Variants in TSNARE1 observed in about 807,000 individuals in gnomAD.
TSNARE1 encodes the protein t-SNARE domain containing 1.
In TSNARE1, 49 loss-of-function variants were observed where a neutral mutation model predicts 62.0. That is an observed-to-expected ratio of 0.79 (90% CI 0.63 to 1.00). The LOEUF is 1.00. TSNARE1 is among the 50% of genes least tolerant of loss of function. The pLI is 0.00. For missense variants in TSNARE1, 755 were observed against 700.1 expected, an observed-to-expected ratio of 1.08 and a Z score of -0.88; for synonymous variants, 328 against 294.4, an observed-to-expected ratio of 1.11 and a Z score of -1.17.
chr8:142,299,444 C>T (rs946012304), intron 10 of TSNARE1, among the ~76,000 whole-genome samples: 2 of 152,220 alleles, frequency 1.3e-5, no homozygotes, highest in African/African-American at 2.4e-5. Context: ...CAGGCCCTAG[C>T]GCCTTCTGCA....
intron 1 of TSNARE1, among the ~76,000 whole-genome samples, chr8:142,378,503 G>C (rs551435594): frequency 6.6e-6 from 1 of 152,154 alleles, no homozygotes; most frequent in African/African-American, 2.4e-5. Flanking sequence ...TGAAGTTTGC[G>C]CACTTGCACA....
At chr8:142,234,286 T>A (rs1224775548) in intron 12 of TSNARE1, among the ~76,000 whole-genome samples, 1 of 150,392 alleles carries the variant, frequency 6.6e-6, no homozygotes, top group Non-Finnish European at 1.5e-5. Flanking sequence ...GATGGCTCCA[T>A]GACCCCAACC....
At chr8:142,300,917 T>C (rs1396884970) in intron 9 of TSNARE1, among the ~76,000 whole-genome samples, 3 of 151,946 alleles carry the variant, frequency 2.0e-5, no homozygotes, top group Non-Finnish European at 4.4e-5. Flanking sequence ...AGTGGGGGTG[T>C]AGGGGCCCGG....
chr8:142,350,064 T>A (rs1433047143), intron 2 of TSNARE1, among the ~76,000 whole-genome samples: 1 of 91,742 alleles, frequency 1.1e-5, no homozygotes, highest in African/African-American at 4.9e-5. Context: ...CAGGCAGGGC[T>A]GGGACCAGGG....
In TSNARE1 at chr8:142,399,095, G is replaced by T. The variant is rs117257312; in HGVS notation, c.-40+4009C>A. 1.1e-4 allele frequency among the ~76,000 whole-genome samples: 16 copies of T among 152,326 alleles called. 1 individual carries two copies. In the East Asian group the frequency reaches 3.1e-3, roughly 29 times the overall value. ...CACCGCCCAACTGGGCTCCGTAGGT[G>T]AGGACACCCCGCCCATAAGGCATCT... On this transcript the variant is annotated intron_variant, in intron 1 of 13. Transcript: ENST00000524325.
At chr8:142,277,952 C>G (rs1820773389) in intron 11 of TSNARE1, 2 of 985,426 alleles carry the variant, frequency 2.0e-6, no homozygotes, top group African/African-American at 3.5e-5. Flanking sequence ...ATGAAGCACC[C>G]CCAAACCAGG....
chr8:142,388,588 C>T lies in TSNARE1; in HGVS notation c.-40+14516G>A, dbSNP rs1274046645. Among the ~76,000 whole-genome samples the T allele has an allele frequency of 1.1e-4, 13 of 122,480 alleles. No homozygotes were observed. The East Asian group carries it at 1.1e-3, about 10-fold the overall frequency. 80.4% of individuals were successfully genotyped at this position (122,480 alleles called of 152,430 possible). On this transcript the variant is annotated intron_variant, in intron 1 of 13. Transcript: ENST00000524325. ...TTTTTTTTTTTTTGAGACAGAGTCTCGCTCTGTCACCCAAGCTGGAATGCA... is the reference window on the plus strand; with the variant it reads ...TTTTTTTTTTTTTGAGACAGAGTCTTGCTCTGTCACCCAAGCTGGAATGCA...
At position 142,291,554 on chromosome 8, in the gene TSNARE1, C is replaced by T. The variant is rs543585669; in HGVS notation, c.1291-7069G>A. ...CACCCACCCCACCCAGCACTGCCAC[C>T]CACCCATTTGTTCATTCAGCAGCCA... On this transcript the variant is annotated intron_variant, in intron 10 of 13. Coordinates refer to ENST00000524325, the MANE Select transcript of TSNARE1 (RefSeq NM_145003.5). The surrounding 1 kb of genome is among the most constrained non-coding windows in gnomAD (Gnocchi z 4.8). Among the ~76,000 whole-genome samples, 3 of 152,102 alleles carry T rather than the reference C, an allele frequency of 2.0e-5. No homozygotes were observed. The highest frequency in any genetic ancestry group is 1.3e-4 in the Admixed American group (2 of 15,286).
At chr8:142,316,706 A>G (rs1828574113) in intron 7 of TSNARE1, among the ~76,000 whole-genome samples, 1 of 151,708 alleles carries the variant, frequency 6.6e-6, no homozygotes, top group East Asian at 2.0e-4. Context: ...TCTGGTCTCC[A>G]CAGATTGCAT....
intron 12 of TSNARE1, chr8:142,269,423 CTG>C (rs1179673618): frequency 3.0e-6 from 3 of 985,276 alleles, no homozygotes. Context: ...CAGGTTAAGA[CTG>C]TAACGCAAGA....
intron 1 of TSNARE1, among the ~76,000 whole-genome samples, chr8:142,361,107 G>A (rs542026545): frequency 1.8e-3 from 270 of 152,338 alleles, no homozygotes; most frequent in Non-Finnish European, 3.0e-3. Context: ...CAGCTCTCCC[G>A]CCCCTGGTTT....
In TSNARE1 at chr8:142,291,928, C is replaced by T. The variant is rs1271962232; in HGVS notation, c.1291-7443G>A. Among the ~76,000 whole-genome samples the T allele has an allele frequency of 6.6e-6, 1 of 152,120 alleles. No homozygotes were observed. The highest frequency in any genetic ancestry group is 2.4e-5 in the African/African-American group (1 of 41,498). On this transcript the variant is annotated intron_variant, in intron 10 of 13. Transcript: ENST00000524325. This position sits in a 1 kb window ranked among gnomAD's most constrained non-coding sequence, Gnocchi z 4.8. Reference sequence around the variant, plus strand: ...CAGTCCATTGGGAGTACGGGGTCAGCTGCCTCTCCCGTGGACGGTCACAGC... The same window carrying T: ...CAGTCCATTGGGAGTACGGGGTCAGTTGCCTCTCCCGTGGACGGTCACAGC...
chr8:142,297,954 G>A (rs556934511), intron 10 of TSNARE1, among the ~76,000 whole-genome samples: 9 of 152,252 alleles, frequency 5.9e-5, no homozygotes, highest in Admixed American at 3.9e-4. Context: ...CATCCTCTGC[G>A]TCACCCCCAT....
intron 12 of TSNARE1, among the ~76,000 whole-genome samples, chr8:142,237,056 G>A (rs7846298): frequency 0.54 from 81,394 of 151,990 alleles, 22,898 homozygotes; most frequent in African/African-American, 0.7. Context: ...GGAGCCAGGG[G>A]CCTGAGGTTC....
In TSNARE1 at chr8:142,264,064, GCTA is replaced by G. The variant is rs1413431639; in HGVS notation, c.1446+10714_1446+10716del. ...TTCTTTGGTAGTATAAGCATTGAAG[GCTA>G]CTAAGTTTCATTGAAGTCTCCCACA... is the stretch of plus-strand genomic sequence containing the variant. On this transcript the variant is annotated intron_variant, in intron 12 of 13. Coordinates refer to ENST00000524325, the MANE Select transcript of TSNARE1 (RefSeq NM_145003.5). Among the ~76,000 whole-genome samples the G allele has an allele frequency of 2.0e-5, 3 of 152,174 alleles. No homozygotes were observed. In the East Asian group the frequency reaches 5.8e-4, roughly 29 times the overall value.
chr8:142,402,212 G>C (rs1450763367), intron 1 of TSNARE1, among the ~76,000 whole-genome samples: 2 of 152,148 alleles, frequency 1.3e-5, no homozygotes, highest in Non-Finnish European at 2.9e-5. Flanking sequence ...GGGCGGAGAA[G>C]CACCGGCGGA....
At chr8:142,217,939 AGTATGAGCAGGATCAGGGCTCAGT>A (rs1815983663) in intron 13 of TSNARE1, among the ~76,000 whole-genome samples, 25 of 34,830 alleles carry the variant, frequency 7.2e-4, no homozygotes, top group Middle Eastern at 0.02. Context: ...CAGGGCTCAG[AGTATGAGCAGGATCAGGGCTCAGT>A]GTGTGACCAG....
chr8:142,269,458 G>C, intron 12 of TSNARE1: 2 of 985,456 alleles, frequency 2.0e-6, no homozygotes, highest in Non-Finnish European at 2.4e-6. Flanking sequence ...ACAGCCATAC[G>C]AGGCCACTGT....
chr8:142,322,306 A>G (rs1218810610), intron 6 of TSNARE1, among the ~76,000 whole-genome samples: 1 of 152,226 alleles, frequency 6.6e-6, no homozygotes, highest in Admixed American at 6.5e-5. Flanking sequence ...TAAAAAACAA[A>G]ACAAACATCT....
Sources: allele counts gnomAD v4.1 joint callset (sites outside exome capture counted in the v4.1 genomes callset), GRCh38; gene constraint gnomAD v4.1.1; non-coding constraint Gnocchi (gnomAD v3.1); transcripts MANE v1.5; gene names NCBI Gene and HGNC (gene_info 2026-07-23, HGNC 2026-07-21).